GORASP1: variants seen among roughly 807,000 people sequenced by gnomAD.
GORASP1 encodes Golgi reassembly-stacking protein 1.
In GORASP1, 31 loss-of-function variants were observed where a neutral mutation model predicts 37.7. The ratio of observed to expected loss-of-function variants is 0.82; its 90% CI spans 0.62 to 1.11. The LOEUF is 1.11. Among genes scored for constraint, GORASP1 ranks in the 50% least tolerant of loss-of-function variants. The pLI is 0.00. For missense variants in GORASP1, 476 were observed against 560.7 expected, an observed-to-expected ratio of 0.85 and a Z score of 1.53; for synonymous variants, 204 against 224.8, an observed-to-expected ratio of 0.91 and a Z score of 0.83.
Position 39,107,615 on chromosome 3 carries a change from G to C in GORASP1, c.-74C>G. On this transcript the variant is annotated 5_prime_UTR_variant, in exon 1 of 9. Coordinates refer to ENST00000319283, the MANE Select transcript of GORASP1 (RefSeq NM_031899.4). ...GGACCGACCCGACGCCAGTAGCACC[G>C]ACTCGCTCTCTCGGCGCTCGATTCC... 1 of 1,389,068 alleles carries C rather than the reference G, an allele frequency of 7.2e-7. No homozygotes were observed. The highest frequency in any genetic ancestry group is 9.7e-7 in the Non-Finnish European group (1 of 1,034,020). The allele number at this position is 1,389,068 out of a possible 1,614,324, so 86.0% of individuals were successfully genotyped here.
In GORASP1 at chr3:39,100,865, A is replaced by T. The variant is rs1446843136; in HGVS notation, c.448T>A (p.Phe150Ile). The T allele has an allele frequency of 1.2e-6, 2 of 1,614,184 alleles. No individual in the cohort carries two copies. Among genetic ancestry groups the T allele is most frequent in the Non-Finnish European group, 1.7e-6 (2 of 1,180,010 alleles). Residue 150 changes from phenylalanine (F) to isoleucine (I), a missense_variant, in exon 5 of 9, where the codon TTT becomes ATT. By Grantham distance (21) the Phe-to-Ile change is conservative. Transcript: ENST00000319283. The surrounding 1 kb of genome is among the most constrained non-coding windows in gnomAD (Gnocchi z 4.6). ...CCCTCATGAGACTCGATGAGCGTAA[A>T]GAAGTCCTCGGACTGTGAGAAACGC... The part of the protein sequence containing the change: ...DQILQESEDF[F>I]TLIESHEGKP...
chr3:39,102,535 C>T lies in GORASP1; in HGVS notation c.348+143G>A. Reference sequence around the variant, plus strand: ...CTGGGACACTGGAATGAGACCACATCCTGCCCTCAGTCTTCCCTGGCCACT... The same window carrying T: ...CTGGGACACTGGAATGAGACCACATTCTGCCCTCAGTCTTCCCTGGCCACT... On this transcript the variant is annotated intron_variant, in intron 3 of 8. Transcript: ENST00000319283. The surrounding 1 kb of genome is among the most constrained non-coding windows in gnomAD (Gnocchi z 5.0). The T allele has an allele frequency of 6.6e-6, 5 of 762,972 alleles. No individual in the cohort carries two copies. Among genetic ancestry groups the T allele is most frequent in the Non-Finnish European group, 1.1e-5 (5 of 452,490 alleles). 47.3% of individuals were successfully genotyped at this position (762,972 alleles called of 1,614,324 possible). A position where few individuals can be genotyped will look rare whatever the true frequency, so the allele number is the denominator to read the frequency against.
At chr3:39,101,863 G>T (rs982956384) in intron 3 of GORASP1, among the ~76,000 whole-genome samples, 19 of 152,196 alleles carry the variant, frequency 1.2e-4, no homozygotes, top group Admixed American at 4.6e-4. Flanking sequence ...GAGCATTCAA[G>T]AACTTAGATA....
Position 39,107,551 on chromosome 3 carries a change from T to A in GORASP1, c.-10A>T. 1 of 1,492,100 alleles carries A rather than the reference T, an allele frequency of 6.7e-7. No homozygotes were observed. Among genetic ancestry groups the A allele is most frequent in the Non-Finnish European group, 8.8e-7 (1 of 1,131,074 alleles). 92.4% of individuals were successfully genotyped at this position (1,492,100 alleles called of 1,614,324 possible). On this transcript the variant is annotated 5_prime_UTR_variant, in exon 1 of 9. Coordinates refer to ENST00000319283, the MANE Select transcript of GORASP1 (RefSeq NM_031899.4). ...TGACGCCCAGGCCCATGGCAGCGGCTCCGCTCGGCACCCAGGTCCAGTCCC... is the reference window on the plus strand; with the variant it reads ...TGACGCCCAGGCCCATGGCAGCGGCACCGCTCGGCACCCAGGTCCAGTCCC...
Position 39,103,378 on chromosome 3 carries a change from A to AG in GORASP1, c.144+94dup. ...GGGCTGGGACTCCCTTTAGAAAAAA[A>AG]GGGAGGGAAGGGTAGACTGGGGCCC... On this transcript the variant is annotated intron_variant, in intron 2 of 8. Transcript: ENST00000319283. This position sits in a 1 kb window ranked among gnomAD's most constrained non-coding sequence, Gnocchi z 5.2. 1.1e-6 allele frequency: 1 copy of AG among 902,020 alleles called. No individual in the cohort carries two copies. The allele number at this position is 902,020 out of a possible 1,614,324, so 55.9% of individuals were successfully genotyped here.
Position 39,102,773 on chromosome 3 carries a change from C to T in GORASP1, c.253G>A (p.Val85Met), listed in dbSNP as rs538182528. 3.1e-6 allele frequency: 5 copies of T among 1,614,200 alleles called. No individual in the cohort carries two copies. The African/African-American group carries it at 4.0e-5, about 13-fold the overall frequency. ...TGGCCGCCCCACATGTTGCTGGGCA[C>T]CACCTCCACCTCGCGCACCCTCATG... ...KTMRVREVEV[V>M]PSNMWGGQGL... The change falls in exon 3 of 9, where the codon GTG (valine) becomes ATG (methionine). Residue 85 changes from valine to methionine, a missense_variant. Transcript: ENST00000319283. The surrounding 1 kb of genome is among the most constrained non-coding windows in gnomAD (Gnocchi z 5.0).
At position 39,100,832 on chromosome 3, in the gene GORASP1, A is replaced by C; in HGVS notation, c.481T>G (p.Leu161Val). The change falls in exon 5 of 9, where the codon TTG becomes GTG. Residue 161 changes from leucine (L) to valine (V), a missense_variant. Physicochemically the swap from Leu to Val is conservative, Grantham distance 32. Coordinates refer to ENST00000319283, the MANE Select transcript of GORASP1 (RefSeq NM_031899.4). This position sits in a 1 kb window ranked among gnomAD's most constrained non-coding sequence, Gnocchi z 4.6. ...TTGGAGTTATACACCATCAGCTTCA[A>C]GGGCTTCCCCTCATGAGACTCGATG... ...TLIESHEGKP[L>V]KLMVYNSKSD... 1 of 1,614,146 alleles carries C rather than the reference A, an allele frequency of 6.2e-7. No individual in the cohort carries two copies. The highest frequency in any genetic ancestry group is 8.5e-7 in the Non-Finnish European group (1 of 1,179,990).
rs199936942 is a variant in GORASP1 at position 39,100,355 on chromosome 3, C to T, written c.715G>A (p.Glu239Lys). ...PDALPPGPTP[E>K]DSPSLETGSR... ...CCTGTCTCCAGGGAAGGAGAGTCCT[C>T]GGGGGTGGGTCCAGGTGGTAGAGCA... is the stretch of plus-strand genomic sequence containing the variant. Residue 239 changes from glutamate (E) to lysine (K), a missense_variant, in exon 6 of 9, where the codon GAG becomes AAG. Glu to Lys is a moderately conservative substitution (Grantham distance 56). Coordinates refer to ENST00000319283, the MANE Select transcript of GORASP1 (RefSeq NM_031899.4). This position sits in a 1 kb window ranked among gnomAD's most constrained non-coding sequence, Gnocchi z 4.6. 34 of 1,614,124 alleles carry T rather than the reference C, an allele frequency of 2.1e-5. No individual in the cohort carries two copies. The East Asian group carries it at 2.9e-4, about 14-fold the overall frequency.
chr3:39,098,644 C>A lies in GORASP1; in HGVS notation c.1069+97G>T, dbSNP rs41285134. The A allele has an allele frequency of 1.6e-5, 25 of 1,527,574 alleles. No individual in the cohort carries two copies. Among genetic ancestry groups the A allele is most frequent in the Non-Finnish European group, 1.9e-5 (21 of 1,127,624 alleles). The allele number at this position is 1,527,574 out of a possible 1,614,324, so 94.6% of individuals were successfully genotyped here. ...AATGCCTTGGTGTGGCTGTATCAAC[C>A]CGATGGCCCACTTCTGCCCAGCTGA... On this transcript the variant is annotated intron_variant, in intron 8 of 8. Transcript: ENST00000319283. This position sits in a 1 kb window ranked among gnomAD's most constrained non-coding sequence, Gnocchi z 4.7.
In GORASP1 at chr3:39,100,532, G is replaced by A; in HGVS notation, c.567-29C>T. 6 of 1,538,742 alleles carry A rather than the reference G, an allele frequency of 3.9e-6. No individual in the cohort carries two copies. Among genetic ancestry groups the A allele is most frequent in the Non-Finnish European group, 5.2e-6 (6 of 1,144,494 alleles). On this transcript the variant is annotated intron_variant, in intron 5 of 8. Transcript: ENST00000319283. The surrounding 1 kb of genome is among the most constrained non-coding windows in gnomAD (Gnocchi z 4.6). Reference sequence around the variant, plus strand: ...CCGAAGGCCAGAAACATTCAATCCAGGGGCTTGTCCCACGGCCCTCCCTAC... The same window carrying A: ...CCGAAGGCCAGAAACATTCAATCCAAGGGCTTGTCCCACGGCCCTCCCTAC...
chr3:39,099,559 G>C, intron 6 of GORASP1, 56 bp from the exon 7 acceptor site: 1 of 1,554,134 alleles, frequency 6.4e-7, no homozygotes, highest in South Asian at 1.2e-5. Flanking sequence ...TCAAGGTGAA[G>C]AATTTTGCAG....
In GORASP1 at chr3:39,098,826, G is replaced by C. The variant is rs749447922; in HGVS notation, c.984C>G (p.Pro328=). 14 of 1,614,062 alleles carry C rather than the reference G, an allele frequency of 8.7e-6. No individual in the cohort carries two copies. In the East Asian group the frequency reaches 2.7e-4, roughly 31 times the overall value. ...CTGTGGTGGTCAGTTCTGTGGAAGA[G>C]GGCAGGCTGGGCCACACACTGGCAT... ...NSNASVWPSL[P]SSTELTTTAV... Residue 328 remains proline (P), a synonymous_variant, in exon 8 of 9, where the codon CCC becomes CCG. Coordinates refer to ENST00000319283, the MANE Select transcript of GORASP1 (RefSeq NM_031899.4). This position sits in a 1 kb window ranked among gnomAD's most constrained non-coding sequence, Gnocchi z 4.7.
intron 3 of GORASP1, chr3:39,101,541 C>T (rs746174259): frequency 4.8e-5 from 22 of 457,640 alleles, no homozygotes; most frequent in South Asian, 3.3e-4. Context: ...TACATTGCTG[C>T]TTCTGCTGCA....
In GORASP1 at chr3:39,107,598, C is replaced by G. The variant is rs1489454507; in HGVS notation, c.-57G>C. 4 of 1,448,592 alleles carry G rather than the reference C, an allele frequency of 2.8e-6. No individual in the cohort carries two copies. In the African/African-American group the frequency reaches 5.7e-5, roughly 21 times the overall value. The allele number at this position is 1,448,592 out of a possible 1,614,324, so 89.7% of individuals were successfully genotyped here. On this transcript the variant is annotated 5_prime_UTR_variant, in exon 1 of 9. Transcript: ENST00000319283. ...TCCCGCTGCGCCTACCCGGACCGAC[C>G]CGACGCCAGTAGCACCGACTCGCTC...
At position 39,102,081 on chromosome 3, in the gene GORASP1, A is replaced by AGAGT. The variant is rs57254802; in HGVS notation, c.348+596_348+597insACTC. ...GACTTCATTGTTGTGCAAACATCAT[A>AGAGT]GAACTTAACCTACACATAGCCTACT... On this transcript the variant is annotated intron_variant, in intron 3 of 8. Coordinates refer to ENST00000319283, the MANE Select transcript of GORASP1 (RefSeq NM_031899.4). This position sits in a 1 kb window ranked among gnomAD's most constrained non-coding sequence, Gnocchi z 5.0. Among the ~76,000 whole-genome samples, 72,626 of 151,738 alleles carry AGAGT rather than the reference A, an allele frequency of 0.48. 21,228 individuals carry two copies. Among genetic ancestry groups the AGAGT allele is most frequent in the African/African-American group, 0.84 (34,506 of 41,282 alleles).
Position 39,100,645 on chromosome 3 carries a change from G to T in GORASP1, c.566+102C>A. ...GTCAGCCTCAGGATCCCTGGGCCCA[G>T]GGCCCAACCCTCCTCCATCTCCACC... On this transcript the variant is annotated intron_variant, in intron 5 of 8. Coordinates refer to ENST00000319283, the MANE Select transcript of GORASP1 (RefSeq NM_031899.4). The surrounding 1 kb of genome is among the most constrained non-coding windows in gnomAD (Gnocchi z 4.6). 1 of 1,518,312 alleles carries T rather than the reference G, an allele frequency of 6.6e-7. No individual in the cohort carries two copies. The allele number at this position is 1,518,312 out of a possible 1,614,324, so 94.1% of individuals were successfully genotyped here.
In GORASP1 at chr3:39,107,544, C is replaced by A. The variant is rs1466083491; in HGVS notation, c.-3G>T. 3.3e-6 allele frequency: 5 copies of A among 1,497,186 alleles called. No individual in the cohort carries two copies. Among genetic ancestry groups the A allele is most frequent in the Non-Finnish European group, 3.5e-6 (4 of 1,133,444 alleles). 92.7% of individuals were successfully genotyped at this position (1,497,186 alleles called of 1,614,324 possible). On this transcript the variant is annotated 5_prime_UTR_variant, in exon 1 of 9. Transcript: ENST00000319283. ...TCAGCGCTGACGCCCAGGCCCATGG[C>A]AGCGGCTCCGCTCGGCACCCAGGTC...
rs765007826 is a variant in GORASP1, at chr3:39,101,105, G to A, written c.349-3C>T. Reference sequence around the variant, plus strand: ...GCAGGTGAAGATGGTTCCACATCCTGGGGAAAGAACCGCAAACCACTGGCC... The same window carrying A: ...GCAGGTGAAGATGGTTCCACATCCTAGGGAAAGAACCGCAAACCACTGGCC... On this transcript the variant is annotated splice_region_variant and splice_polypyrimidine_tract_variant and intron_variant, in intron 3 of 8. Coordinates refer to ENST00000319283, the MANE Select transcript of GORASP1 (RefSeq NM_031899.4). 2.5e-6 allele frequency: 4 copies of A among 1,613,902 alleles called. No individual in the cohort carries two copies. Among genetic ancestry groups the A allele is most frequent in the Non-Finnish European group, 2.5e-6 (3 of 1,179,904 alleles).
chr3:39,098,282 T>C lies in GORASP1; in HGVS notation c.1277A>G (p.Glu426Gly). 6.2e-7 allele frequency: 1 copy of C among 1,614,202 alleles called. No homozygotes were observed. Among genetic ancestry groups the C allele is most frequent in the Non-Finnish European group, 8.5e-7 (1 of 1,180,036 alleles). ...ASTEGLDTGT[E>G]AEGLDSQAQI... ...GGCCTGGCTGTCCAGCCCCTCAGCC[T>C]CCGTCCCAGTATCTAGGCCCTCTGT... The change falls in exon 9 of 9, where the codon GAG becomes GGG. Residue 426 changes from glutamate (E) to glycine (G), a missense_variant. Coordinates refer to ENST00000319283, the MANE Select transcript of GORASP1 (RefSeq NM_031899.4). The surrounding 1 kb of genome is among the most constrained non-coding windows in gnomAD (Gnocchi z 4.7).
Sources: gnomAD v4.1 joint callset for allele counts (sites outside exome capture counted in the v4.1 genomes callset) on GRCh38, gnomAD v4.1.1 for gene constraint, Gnocchi (gnomAD v3.1) non-coding constraint, MANE v1.5 for transcripts, NCBI Gene and HGNC (gene_info 2026-07-23, HGNC 2026-07-21) for gene names.